Variants in LRRC38 observed in about 807,000 individuals in gnomAD.
LRRC38 encodes the protein leucine-rich repeat-containing protein 38.
Under a neutral mutation model 16.4 loss-of-function variants are expected in LRRC38, and 5 were observed. That is an observed-to-expected ratio of 0.31 (90% CI 0.16 to 0.64). The LOEUF (loss-of-function observed/expected upper bound fraction) is 0.64, where lower values mean the gene tolerates loss of function less well. Ranked by LOEUF, LRRC38 falls within the 30% of genes least tolerant of loss-of-function variation. LRRC38 has a pLI of 0.80. For missense variants in LRRC38, 341 were observed against 401.8 expected (o/e 0.85, Z 1.29); for synonymous variants, 191 against 190.2 (o/e 1.00, Z -0.04).
intron 1 of LRRC38, among the ~76,000 whole-genome samples, chr1:13,490,278 C>A (rs531902944): frequency 3.9e-5 from 6 of 152,076 alleles, no homozygotes; most frequent in Non-Finnish European, 8.8e-5. Flanking sequence ...CCTGCCTCAG[C>A]CTCCCGAGTA....
intron 1 of LRRC38, among the ~76,000 whole-genome samples, chr1:13,495,256 T>C (rs1639068438): frequency 6.6e-6 from 1 of 152,120 alleles, no homozygotes; most frequent in South Asian, 2.1e-4. Flanking sequence ...CAGGAAGAGC[T>C]GTAGAAGGTC....
Position 13,513,808 on chromosome 1 carries a change from GGAGGGAGGGGC to G in LRRC38, c.-226_-216del, listed in dbSNP as rs1639307379. ...GCAGGGATGGAGAGGGGAGGGGCGG[GGAGGGAGGGGC>G]GAGGGACTCACCAAAGGGTTTACCC... On this transcript the variant is annotated 5_prime_UTR_variant, in exon 1 of 2. Coordinates refer to ENST00000376085, the MANE Select transcript of LRRC38 (RefSeq NM_001010847.2). The G allele has an allele frequency of 6.6e-6, 1 of 152,610 alleles. No individual in the cohort carries two copies. Among genetic ancestry groups the G allele is most frequent in the East Asian group, 1.9e-4 (1 of 5,148 alleles). 9.5% of individuals were successfully genotyped at this position (152,610 alleles called of 1,614,324 possible). A position where few individuals can be genotyped will look rare whatever the true frequency, so the allele number is the denominator to read the frequency against.
chr1:13,493,727 C>T (rs751757836), intron 1 of LRRC38, among the ~76,000 whole-genome samples: 7 of 152,012 alleles, frequency 4.6e-5, no homozygotes, highest in Non-Finnish European at 8.8e-5. Flanking sequence ...AAGCCTCTAA[C>T]CTGGAAAGGC....
rs776091204 is a variant in LRRC38, at chr1:13,475,571, G to A, written c.*275C>T. On this transcript the variant is annotated 3_prime_UTR_variant, in exon 2 of 2. Transcript: ENST00000376085. The surrounding 1 kb of genome is among the most constrained non-coding windows in gnomAD (Gnocchi z 4.3). ...AGTCATCAGCTATGAAGCCTGACTCGGTCATCTTCTCCCCCAACACACACC... is the reference window on the plus strand; with the variant it reads ...AGTCATCAGCTATGAAGCCTGACTCAGTCATCTTCTCCCCCAACACACACC... 10 of 410,332 alleles carry A rather than the reference G, an allele frequency of 2.4e-5. No individual in the cohort carries two copies. The highest frequency in any genetic ancestry group is 4.0e-5 in the South Asian group (1 of 24,708). The allele number at this position is 410,332 out of a possible 1,614,324, so 25.4% of individuals were successfully genotyped here.
chr1:13,493,337 G>A (rs1016870719), intron 1 of LRRC38, among the ~76,000 whole-genome samples: 1 of 151,970 alleles, frequency 6.6e-6, no homozygotes, highest in Non-Finnish European at 1.5e-5. Flanking sequence ...TGGGGCCTTT[G>A]GGGTGGGCAA....
chr1:13,482,516 G>A (rs578012331), intron 1 of LRRC38, among the ~76,000 whole-genome samples: 66 of 151,158 alleles, frequency 4.4e-4, no homozygotes, highest in Non-Finnish European at 7.2e-4. Flanking sequence ...AGAGGCAAAC[G>A]CTGCAGTGAG....
intron 1 of LRRC38, among the ~76,000 whole-genome samples, chr1:13,479,221 C>T (rs1015723063): frequency 2.0e-5 from 3 of 152,014 alleles, no homozygotes; most frequent in African/African-American, 7.2e-5. Context: ...ATCAACCTGC[C>T]TCCTAACAGC....
chr1:13,485,358 A>T (rs1638919164), intron 1 of LRRC38, among the ~76,000 whole-genome samples: 2 of 151,666 alleles, frequency 1.3e-5, no homozygotes, highest in Non-Finnish European at 2.9e-5. Flanking sequence ...CGGACAGATC[A>T]TGAGGTCAGG....
chr1:13,504,356 C>A (rs1639184843), intron 1 of LRRC38, among the ~76,000 whole-genome samples: 5 of 152,056 alleles, frequency 3.3e-5, no homozygotes, highest in Admixed American at 3.3e-4. Context: ...CCCATGGTAA[C>A]CACGGTACAT....
intron 1 of LRRC38, among the ~76,000 whole-genome samples, chr1:13,490,880 C>T (rs906746771): frequency 9.9e-5 from 15 of 152,242 alleles, no homozygotes; most frequent in Admixed American, 9.8e-4. Context: ...TAATGGTGGG[C>T]TCGCCGGCAC....
At chr1:13,505,514 C>T (rs1381045367) in intron 1 of LRRC38, among the ~76,000 whole-genome samples, 2 of 152,190 alleles carry the variant, frequency 1.3e-5, no homozygotes, top group African/African-American at 4.8e-5. Flanking sequence ...GTGTGCATTC[C>T]TTGGCTCACT....
At chr1:13,498,774 C>A (rs933971128) in intron 1 of LRRC38, among the ~76,000 whole-genome samples, 2 of 152,200 alleles carry the variant, frequency 1.3e-5, no homozygotes, top group African/African-American at 4.8e-5. Context: ...GGCTGCAACA[C>A]AATACCACCA....
At chr1:13,493,258 C>T (rs933270545) in intron 1 of LRRC38, among the ~76,000 whole-genome samples, 2 of 148,320 alleles carry the variant, frequency 1.3e-5, no homozygotes, top group Non-Finnish European at 3.0e-5. Flanking sequence ...TGGCCTTCAG[C>T]GGGGCTCGGT....
intron 1 of LRRC38, among the ~76,000 whole-genome samples, chr1:13,498,558 G>A (rs1198240836): frequency 6.6e-6 from 1 of 152,186 alleles, no homozygotes; most frequent in Non-Finnish European, 1.5e-5. Flanking sequence ...TTGAACCTGG[G>A]AGGCGGAGGT....
chr1:13,495,181 T>C (rs1256452828), intron 1 of LRRC38, among the ~76,000 whole-genome samples: 1 of 152,100 alleles, frequency 6.6e-6, no homozygotes, highest in African/African-American at 2.4e-5. Context: ...AGAATGAGGA[T>C]GAGCTGGTGA....
intron 1 of LRRC38, 46 bp downstream of exon 1, chr1:13,512,917 C>A: frequency 1.5e-6 from 2 of 1,320,804 alleles, no homozygotes; most frequent in South Asian, 1.4e-5. Context: ...GGTGGCCTCT[C>A]CCTGCCCCCC....
chr1:13,494,418 T>C (rs1170845859), intron 1 of LRRC38, among the ~76,000 whole-genome samples: 1 of 136,774 alleles, frequency 7.3e-6, no homozygotes, highest in Non-Finnish European at 1.6e-5. Flanking sequence ...TTTTTTTTTT[T>C]CCATTTCTTC....
At chr1:13,481,058 G>A (rs1638847771) in intron 1 of LRRC38, among the ~76,000 whole-genome samples, 1 of 152,154 alleles carries the variant, frequency 6.6e-6, no homozygotes, top group Non-Finnish European at 1.5e-5. Flanking sequence ...GCCTCTGGGA[G>A]GCAGTTAGGG....
intron 1 of LRRC38, among the ~76,000 whole-genome samples, chr1:13,512,064 T>C (rs895198992): frequency 6.6e-6 from 1 of 152,108 alleles, no homozygotes; most frequent in Non-Finnish European, 1.5e-5. Context: ...GGAGGCAGAG[T>C]TCAGCTCTGA....
Sources: gnomAD v4.1 joint callset for allele counts (sites outside exome capture counted in the v4.1 genomes callset) on GRCh38, gnomAD v4.1.1 for gene constraint, Gnocchi (gnomAD v3.1) non-coding constraint, MANE v1.5 for transcripts, NCBI Gene and HGNC (gene_info 2026-07-23, HGNC 2026-07-21) for gene names.